The following PUM1 variants were observed in gnomAD, a reference collection of about 807,000 sequenced individuals.
PUM1 encodes pumilio RNA binding family member 1.
PUM1 carries 13 observed loss-of-function variants against 131.8 expected under a neutral mutation model. The ratio of observed to expected loss-of-function variants is 0.10; its 90% CI spans 0.06 to 0.16. The LOEUF (loss-of-function observed/expected upper bound fraction) is 0.16, where lower values mean the gene tolerates loss of function less well. Among genes scored for constraint, PUM1 ranks in the 10% least tolerant of loss-of-function variants. The pLI, the probability that PUM1 is intolerant of heterozygous loss-of-function variation, is 1.00. For synonymous variants in PUM1, 509 were observed against 556.5 expected (o/e 0.91, Z 1.20); for missense variants, 961 against 1,512.4 (o/e 0.64, Z 6.05).
Position 30,954,384 on chromosome 1 carries a change from T to C in PUM1, c.2324-403A>G, listed in dbSNP as rs559496273. Reference sequence around the variant, plus strand: ...CCATTCTGAGATCTGCGGAGATTCCTTTCATTCTTGAATAACCCCCATTTC... The same window carrying C: ...CCATTCTGAGATCTGCGGAGATTCCCTTCATTCTTGAATAACCCCCATTTC... On this transcript the variant is annotated intron_variant, in intron 14 of 21. Coordinates refer to ENST00000426105, the MANE Select transcript of PUM1 (RefSeq NM_001020658.2). Among the ~76,000 whole-genome samples, 170 of 152,300 alleles carry C rather than the reference T, an allele frequency of 1.1e-3. 1 individual carries two copies. Among genetic ancestry groups the C allele is most frequent in the African/African-American group, 3.9e-3 (163 of 41,564 alleles).
chr1:31,042,529 C>T (rs1643854706), intron 2 of PUM1, among the ~76,000 whole-genome samples: 1 of 152,136 alleles, frequency 6.6e-6, no homozygotes, highest in African/African-American at 2.4e-5. Flanking sequence ...ATCTAAACTC[C>T]ACTGGAAATG....
chr1:30,953,466 T>C (rs1640031050), intron 15 of PUM1, among the ~76,000 whole-genome samples: 1 of 152,208 alleles, frequency 6.6e-6, no homozygotes, highest in South Asian at 2.1e-4. Context: ...TAGATCAAAC[T>C]TGTATTTGAA....
intron 2 of PUM1, among the ~76,000 whole-genome samples, chr1:31,058,386 C>T (rs1644293809): frequency 1.3e-5 from 2 of 152,128 alleles, no homozygotes; most frequent in South Asian, 2.1e-4. Flanking sequence ...GTAGGCCGGG[C>T]GCAGTGGCTC....
In PUM1 at chr1:30,956,207, G is replaced by T. The variant is rs61778251; in HGVS notation, c.2324-2226C>A. Among the ~76,000 whole-genome samples the T allele has an allele frequency of 6.3e-4, 96 of 152,198 alleles. 1 individual carries two copies. The East Asian group carries it at 0.017, about 27-fold the overall frequency. ...TCAAATGAAAAGTGATTTTTTTAAG[G>T]AAGAAAGGAGATTAACTGAAAAGAA... On this transcript the variant is annotated intron_variant, in intron 14 of 21. Coordinates refer to ENST00000426105, the MANE Select transcript of PUM1 (RefSeq NM_001020658.2).
chr1:31,061,969 T>C (rs929652760), intron 1 of PUM1: 5 of 152,200 alleles, frequency 3.3e-5, no homozygotes, highest in African/African-American at 1.2e-4. Context: ...ACGGTAATAG[T>C]GTAATGAATA....
At position 30,950,534 on chromosome 1, in the gene PUM1, T is replaced by A. The variant is rs181858620; in HGVS notation, c.2722-273A>T. Among the ~76,000 whole-genome samples, 5 of 152,338 alleles carry A rather than the reference T, an allele frequency of 3.3e-5. No homozygotes were observed. The East Asian group carries it at 9.6e-4, about 29-fold the overall frequency. ...TATTAATATCTGCTAAGCAAACACA[T>A]AATTCCTCAAAGCTGTCATTAATTC... On this transcript the variant is annotated intron_variant, in intron 16 of 21. Transcript: ENST00000426105.
chr1:31,030,630 G>A (rs1218129257), intron 2 of PUM1, among the ~76,000 whole-genome samples: 2 of 151,998 alleles, frequency 1.3e-5, no homozygotes, highest in Non-Finnish European at 2.9e-5. Context: ...AAGATAGCCT[G>A]CACCCGGGCA....
At chr1:31,056,609 CTTTTTTTTTTTTTTTTTTTT>C (rs57685772) in intron 2 of PUM1, among the ~76,000 whole-genome samples, 19 of 43,712 alleles carry the variant, frequency 4.3e-4, no homozygotes, top group African/African-American at 1.2e-3. Flanking sequence ...CTTTTCTTTT[CTTTTTTTTTTTTTTTTTTTT>C]TTTTTTTTTT....
chr1:30,953,671 T>C, intron 15 of PUM1, 43 bp downstream of exon 15: 1 of 1,607,648 alleles, frequency 6.2e-7, no homozygotes, highest in Non-Finnish European at 8.5e-7. Context: ...AGTTAAGGCA[T>C]TACAATTTCG....
At chr1:31,003,355 T>C (rs1201474672) in intron 5 of PUM1, among the ~76,000 whole-genome samples, 2 of 152,164 alleles carry the variant, frequency 1.3e-5, no homozygotes, top group African/African-American at 4.8e-5. Context: ...AAAAATAAAG[T>C]GATTCAGGCT....
intron 2 of PUM1, among the ~76,000 whole-genome samples, chr1:31,033,974 G>A (rs994562080): frequency 3.3e-5 from 5 of 152,000 alleles, no homozygotes; most frequent in Admixed American, 6.6e-5. Flanking sequence ...TGGGCACAAA[G>A]GAATTCTGAA....
intron 2 of PUM1, among the ~76,000 whole-genome samples, chr1:31,030,301 T>C (rs933519985): frequency 6.6e-6 from 1 of 152,108 alleles, no homozygotes; most frequent in Non-Finnish European, 1.5e-5. Context: ...TCTCTCAAAC[T>C]CCCTCCTCTG....
At chr1:30,992,327 ATTACTT>A in intron 7 of PUM1, 57 bp downstream of exon 7, 1 of 1,566,736 alleles carries the variant, frequency 6.4e-7, no homozygotes, top group Admixed American at 1.8e-5. Flanking sequence ...CCCATTCTTA[ATTACTT>A]GAACAACGTG....
chr1:30,952,147 G>A, intron 16 of PUM1, 87 bp downstream of exon 16: 1 of 1,309,178 alleles, frequency 7.6e-7, no homozygotes, highest in South Asian at 1.2e-5. Flanking sequence ...GGACTGGAAT[G>A]GGACTGCTAT....
chr1:30,965,966 T>G lies in PUM1; in HGVS notation c.2086+16A>C, dbSNP rs1640604992. On this transcript the variant is annotated intron_variant, in intron 13 of 21. Transcript: ENST00000426105. ...ATTAAAATTCAGTCTTAAGAGCATATCAGTCTAATTTCTACCTGCTGTTCC... is the reference window on the plus strand; with the variant it reads ...ATTAAAATTCAGTCTTAAGAGCATAGCAGTCTAATTTCTACCTGCTGTTCC... 9 of 1,600,102 alleles carry G rather than the reference T, an allele frequency of 5.6e-6. No homozygotes were observed. Among genetic ancestry groups the G allele is most frequent in the Non-Finnish European group, 7.7e-6 (9 of 1,173,412 alleles).
intron 20 of PUM1, among the ~76,000 whole-genome samples, chr1:30,939,418 C>T (rs1639355373): frequency 6.6e-6 from 1 of 152,252 alleles, no homozygotes; most frequent in South Asian, 2.1e-4. Flanking sequence ...GGCTCTCTCC[C>T]TTTCTAGGAT....
At chr1:30,986,927 C>T (rs1641585459) in intron 7 of PUM1, among the ~76,000 whole-genome samples, 1 of 152,134 alleles carries the variant, frequency 6.6e-6, no homozygotes, top group African/African-American at 2.4e-5. Flanking sequence ...TAACACATGC[C>T]GATTTCCACT....
At chr1:30,981,544 A>G in intron 7 of PUM1, 139 bp from the exon 8 acceptor site, 1 of 529,060 alleles carries the variant, frequency 1.9e-6, no homozygotes, top group Non-Finnish European at 3.4e-6. Context: ...ACTCTACTTC[A>G]TTCCCATGGG....
At chr1:31,051,461 G>A (rs978648651) in intron 2 of PUM1, among the ~76,000 whole-genome samples, 11 of 152,028 alleles carry the variant, frequency 7.2e-5, no homozygotes, top group Non-Finnish European at 1.3e-4. Flanking sequence ...GCGCCACCAC[G>A]CCCCACTAAT....
Sources: gnomAD v4.1 joint callset for allele counts (sites outside exome capture counted in the v4.1 genomes callset) on GRCh38, gnomAD v4.1.1 for gene constraint, MANE v1.5 for transcripts, NCBI Gene and HGNC (gene_info 2026-07-23, HGNC 2026-07-21) for gene names.